The following PPARGC1A variants were observed in gnomAD, a reference collection of about 807,000 sequenced individuals.
PPARGC1A encodes peroxisome proliferator-activated receptor gamma coactivator 1-alpha.
Under a neutral mutation model 88.7 loss-of-function variants are expected in PPARGC1A, and 25 were observed. The ratio of observed to expected loss-of-function variants is 0.28; its 90% CI spans 0.21 to 0.39. The LOEUF is 0.39. Among genes scored for constraint, PPARGC1A ranks in the 10% least tolerant of loss-of-function variants. The pLI is 1.00. For missense variants in PPARGC1A, 880 were observed against 968.7 expected (o/e 0.91, Z 1.22); for synonymous variants, 363 against 355.6 (o/e 1.02, Z -0.24).
the PPARGC1A span, among the ~76,000 whole-genome samples, chr4:24,150,142 A>G: frequency 6.6e-6 from 1 of 152,168 alleles, no homozygotes; most frequent in Non-Finnish European, 1.5e-5. Context: ...AGGTGAGAGA[A>G]TCTTATTTCA....
chr4:24,190,671 A>G, the PPARGC1A span, among the ~76,000 whole-genome samples: 1 of 152,190 alleles, frequency 6.6e-6, no homozygotes, highest in African/African-American at 2.4e-5. Context: ...CGAAGAGATG[A>G]AGTGACTTCC....
the PPARGC1A span, among the ~76,000 whole-genome samples, chr4:23,938,625 G>A: frequency 6.6e-6 from 1 of 152,168 alleles, no homozygotes; most frequent in African/African-American, 2.4e-5. Flanking sequence ...GAACATGAAT[G>A]GGAGTGTGAA....
At chr4:23,945,282 C>T in the PPARGC1A span, among the ~76,000 whole-genome samples, 1 of 151,644 alleles carries the variant, frequency 6.6e-6, no homozygotes, top group Non-Finnish European at 1.5e-5. Context: ...ATTTTAGGTA[C>T]CAAAAATATA....
At chr4:24,471,807 C>A in the PPARGC1A span, among the ~76,000 whole-genome samples, 1 of 152,350 alleles carries the variant, frequency 6.6e-6, no homozygotes, top group African/African-American at 2.4e-5. The surrounding 1 kb of genome is among the most constrained non-coding windows in gnomAD (Gnocchi z 5.4). Context: ...TCAGGAGGAG[C>A]GGAGGCTCCA....
chr4:24,067,601 T>C, the PPARGC1A span, among the ~76,000 whole-genome samples: 1 of 152,150 alleles, frequency 6.6e-6, no homozygotes, highest in Admixed American at 6.5e-5. Flanking sequence ...GGAAGTGAGC[T>C]TCGGAGGCAC....
chr4:24,211,802 A>G, the PPARGC1A span, among the ~76,000 whole-genome samples: 1 of 152,230 alleles, frequency 6.6e-6, no homozygotes, highest in Non-Finnish European at 1.5e-5. Flanking sequence ...TTTTTAAATG[A>G]GCAAAACAAT....
At chr4:23,883,522 G>A (rs1056109546) in intron 2 of PPARGC1A, 4 of 152,094 alleles carry the variant, frequency 2.6e-5, no homozygotes, top group African/African-American at 4.8e-5. Context: ...CAAATCCCAG[G>A]TCTTTATTGT....
chr4:23,848,449 T>C (rs1177423996), intron 2 of PPARGC1A, among the ~76,000 whole-genome samples: 1 of 152,144 alleles, frequency 6.6e-6, no homozygotes, highest in African/African-American at 2.4e-5. Flanking sequence ...TCAGTGGTTG[T>C]AGACAAACTT....
chr4:23,870,883 G>T (rs1332456560), intron 2 of PPARGC1A, among the ~76,000 whole-genome samples: 1 of 149,820 alleles, frequency 6.7e-6, no homozygotes, highest in African/African-American at 2.4e-5. Flanking sequence ...AACTATAAAA[G>T]ATGTAGCTGG....
the PPARGC1A span, among the ~76,000 whole-genome samples, chr4:24,061,390 A>G: frequency 1.3e-5 from 2 of 152,218 alleles, no homozygotes; most frequent in Non-Finnish European, 2.9e-5. Context: ...GGAGAACGCT[A>G]AGAAAGCATC....
At chr4:24,323,039 C>T in the PPARGC1A span, among the ~76,000 whole-genome samples, 4 of 152,172 alleles carry the variant, frequency 2.6e-5, no homozygotes, top group African/African-American at 4.8e-5. Context: ...GTTTGGACCT[C>T]AGGTACTCTG....
the PPARGC1A span, among the ~76,000 whole-genome samples, chr4:24,245,683 T>C: frequency 6.6e-6 from 1 of 152,184 alleles, no homozygotes; most frequent in Non-Finnish European, 1.5e-5. Context: ...CAGAAAAGGT[T>C]TGGACCAAGT....
At chr4:24,204,884 C>T in the PPARGC1A span, among the ~76,000 whole-genome samples, 3 of 152,202 alleles carry the variant, frequency 2.0e-5, no homozygotes, top group Middle Eastern at 3.4e-3. Flanking sequence ...AATGCAGTGG[C>T]GCAATCCCGG....
At chr4:24,209,455 C>T in the PPARGC1A span, among the ~76,000 whole-genome samples, 1 of 152,190 alleles carries the variant, frequency 6.6e-6, no homozygotes, top group Admixed American at 6.5e-5. Context: ...TAGGCTGCTA[C>T]TGACATTTAG....
chr4:24,199,709 G>A, the PPARGC1A span, among the ~76,000 whole-genome samples: 1,485 of 152,302 alleles, frequency 9.8e-3, 31 homozygotes, highest in African/African-American at 0.034. Flanking sequence ...AGGCTCTGAT[G>A]ATACCAAGTG....
chr4:24,433,868 C>A, the PPARGC1A span, among the ~76,000 whole-genome samples: 1 of 152,150 alleles, frequency 6.6e-6, no homozygotes, highest in Non-Finnish European at 1.5e-5. Flanking sequence ...TGGCAGGGCC[C>A]CAGGACCAGA....
At chr4:24,065,484 A>G in the PPARGC1A span, among the ~76,000 whole-genome samples, 3 of 152,202 alleles carry the variant, frequency 2.0e-5, no homozygotes, top group Admixed American at 2.0e-4. Flanking sequence ...CAATGCCTTC[A>G]GTGTGGCTAA....
the PPARGC1A span, among the ~76,000 whole-genome samples, chr4:24,235,109 C>A: frequency 1.5e-3 from 235 of 152,248 alleles, 2 homozygotes; most frequent in African/African-American, 5.6e-3. Flanking sequence ...CACTTAACAA[C>A]CACCAAGGTA....
chr4:24,185,798 C>T, the PPARGC1A span, among the ~76,000 whole-genome samples: 1 of 134,838 alleles, frequency 7.4e-6, no homozygotes, highest in African/African-American at 2.7e-5. Context: ...TCCCCCGACC[C>T]CACCACAGTC....
Sources: allele counts gnomAD v4.1 joint callset (sites outside exome capture counted in the v4.1 genomes callset), GRCh38; gene constraint gnomAD v4.1.1; non-coding constraint Gnocchi (gnomAD v3.1); transcripts MANE v1.5; gene names NCBI Gene and HGNC (gene_info 2026-07-23, HGNC 2026-07-21).